Variants in NR6A1 observed in about 807,000 individuals in gnomAD.
NR6A1 encodes nuclear receptor subfamily 6 group A member 1, also known as retinoic acid receptor-related testis-associated receptor.
In NR6A1, 7 loss-of-function variants were observed where a neutral mutation model predicts 59.1. That is an observed-to-expected ratio of 0.12 (90% CI 0.07 to 0.22). The LOEUF (loss-of-function observed/expected upper bound fraction) is 0.22, where lower values mean the gene tolerates loss of function less well. Ranked by LOEUF, NR6A1 falls within the 10% of genes least tolerant of loss-of-function variation. The pLI, the probability that NR6A1 is intolerant of heterozygous loss-of-function variation, is 1.00. For missense variants in NR6A1, 468 were observed against 611.6 expected (o/e 0.77, Z 2.48); for synonymous variants, 243 against 236.1 (o/e 1.03, Z -0.27).
At position 124,651,517 on chromosome 9, in the gene NR6A1, G is replaced by A. The variant is rs373681759; in HGVS notation, c.142+81791C>T. On this transcript the variant is annotated intron_variant, in intron 2 of 9. Transcript: ENST00000487099. Reference sequence around the variant, plus strand: ...ACAATACCAACTTAATAAGAATGCTGTAAGAATTCAAAGTAACAATTTTAC... The same window carrying A: ...ACAATACCAACTTAATAAGAATGCTATAAGAATTCAAAGTAACAATTTTAC... 5.9e-5 allele frequency among the ~76,000 whole-genome samples: 9 copies of A among 152,308 alleles called. No homozygotes were observed. In the East Asian group the frequency reaches 1.4e-3, roughly 23 times the overall value.
At chr9:124,538,452 T>C in intron 5 of NR6A1, 133 bp from the exon 6 acceptor site, 1 of 639,358 alleles carries the variant, frequency 1.6e-6, no homozygotes, top group Non-Finnish European at 2.7e-6. Flanking sequence ...GGGGGCATAA[T>C]TAATAGTTAA....
chr9:124,646,439 T>G (rs1293861712), intron 2 of NR6A1, among the ~76,000 whole-genome samples: 1 of 152,024 alleles, frequency 6.6e-6, no homozygotes, highest in African/African-American at 2.4e-5. Context: ...CAATCGTACC[T>G]CAATAAAGCT....
chr9:124,595,817 G>C, intron 2 of NR6A1: 1 of 1,289,740 alleles, frequency 7.8e-7, no homozygotes, highest in African/African-American at 1.5e-5. Context: ...TGAAGAAACA[G>C]AGATTACAGG....
At chr9:124,640,136 C>T (rs1224768276) in intron 2 of NR6A1, among the ~76,000 whole-genome samples, 1 of 152,158 alleles carries the variant, frequency 6.6e-6, no homozygotes, top group Non-Finnish European at 1.5e-5. Flanking sequence ...ACTTTGAAAA[C>T]AATTATCTTA....
chr9:124,571,649 G>A (rs1834439670), intron 2 of NR6A1, among the ~76,000 whole-genome samples: 1 of 152,146 alleles, frequency 6.6e-6, no homozygotes, highest in South Asian at 2.1e-4. Context: ...GGTGACTAGT[G>A]AGATGGCTTT....
At chr9:124,560,249 C>A (rs1403641950) in intron 2 of NR6A1, among the ~76,000 whole-genome samples, 3 of 152,190 alleles carry the variant, frequency 2.0e-5, no homozygotes, top group Admixed American at 6.5e-5. Flanking sequence ...CTTTCTTATT[C>A]CATTCTTGGG....
At chr9:124,690,368 C>T (rs1838495201) in intron 2 of NR6A1, among the ~76,000 whole-genome samples, 1 of 152,044 alleles carries the variant, frequency 6.6e-6, no homozygotes, top group Admixed American at 6.6e-5. Context: ...ATGTGGGTTT[C>T]AATATTTCAT....
intron 1 of NR6A1, among the ~76,000 whole-genome samples, chr9:124,736,644 G>T (rs927390393): frequency 6.6e-6 from 1 of 152,058 alleles, no homozygotes; most frequent in South Asian, 2.1e-4. Flanking sequence ...AGGAGTCGGA[G>T]ACCAGCCTGG....
At chr9:124,745,337 T>A (rs1323992314) in intron 1 of NR6A1, among the ~76,000 whole-genome samples, 1 of 152,134 alleles carries the variant, frequency 6.6e-6, no homozygotes, top group African/African-American at 2.4e-5. Context: ...ATTCTACTTT[T>A]CTGATTAAAA....
chr9:124,757,218 A>AT lies in NR6A1; in HGVS notation c.100+13801dup, dbSNP rs146789045. On this transcript the variant is annotated intron_variant, in intron 1 of 9. Transcript: ENST00000487099. ...AGATAGACACACACTTCTCAAAATT[A>AT]TCCCCCAAAATAAGCCAAGATAAAA... 5.9e-5 allele frequency among the ~76,000 whole-genome samples: 9 copies of AT among 152,182 alleles called. No homozygotes were observed. In the East Asian group the frequency reaches 1.5e-3, roughly 26 times the overall value.
Position 124,601,475 on chromosome 9 carries a change from T to A in NR6A1, c.143-46905A>T, listed in dbSNP as rs1003870821. ...GGCGGGCGCCTGTAGTCCCAGCTAC[T>A]CGGGGGGCTGAGGCAGGAGAATGGC... On this transcript the variant is annotated intron_variant, in intron 2 of 9. Coordinates refer to ENST00000487099, the MANE Select transcript of NR6A1 (RefSeq NM_033334.4). 1.0e-3 allele frequency among the ~76,000 whole-genome samples: 156 copies of A among 150,496 alleles called. 1 individual carries two copies. The highest frequency in any genetic ancestry group is 3.7e-3 in the African/African-American group (152 of 40,844).
chr9:124,745,230 C>G (rs1267588959), intron 1 of NR6A1, among the ~76,000 whole-genome samples: 2 of 150,504 alleles, frequency 1.3e-5, no homozygotes, highest in Admixed American at 1.3e-4. Flanking sequence ...GGAATGAGCT[C>G]AGGTATATTC....
At chr9:124,595,930 A>C (rs1014388256) in intron 2 of NR6A1, 56 of 678,026 alleles carry the variant, frequency 8.3e-5, no homozygotes, top group Non-Finnish European at 1.2e-4. Flanking sequence ...TGGTCATGTG[A>C]TTGCAAAGTT....
chr9:124,579,879 G>A (rs1028396084), intron 2 of NR6A1, among the ~76,000 whole-genome samples: 7 of 151,960 alleles, frequency 4.6e-5, no homozygotes, highest in Admixed American at 6.6e-5. Context: ...GCATGGTGGC[G>A]CGTGCCTGTA....
chr9:124,558,042 T>C (rs1043595947), intron 2 of NR6A1, among the ~76,000 whole-genome samples: 23 of 152,178 alleles, frequency 1.5e-4, no homozygotes, highest in African/African-American at 4.6e-4. Flanking sequence ...AATGATTAAG[T>C]GGAAGCTCCA....
chr9:124,610,036 T>C (rs754386603), intron 2 of NR6A1, among the ~76,000 whole-genome samples: 2 of 152,168 alleles, frequency 1.3e-5, no homozygotes, highest in African/African-American at 2.4e-5. Context: ...TATAGGATCA[T>C]GTCATCTGCA....
rs537868038 is a variant in NR6A1 at position 124,594,739 on chromosome 9, G to A, written c.143-40169C>T. ...GTACAACATATAAGGGAGGAATGAAGCCAAGGTTACTAAAAAGAAGAATGC... is the reference window on the plus strand; with the variant it reads ...GTACAACATATAAGGGAGGAATGAAACCAAGGTTACTAAAAAGAAGAATGC... On this transcript the variant is annotated intron_variant, in intron 2 of 9. Transcript: ENST00000487099. 5.3e-5 allele frequency among the ~76,000 whole-genome samples: 8 copies of A among 152,292 alleles called. No homozygotes were observed. The South Asian group carries it at 1.2e-3, about 24-fold the overall frequency.
In NR6A1 at chr9:124,564,742, C is replaced by T. The variant is rs116994450; in HGVS notation, c.143-10172G>A. 2.3e-4 allele frequency among the ~76,000 whole-genome samples: 35 copies of T among 151,046 alleles called. No individual in the cohort carries two copies. The East Asian group carries it at 5.1e-3, about 22-fold the overall frequency. ...TGACAAGCTAATTCTGAAATGTATACGGAAATGCAAAAGAACAAAACTAGT... is the reference window on the plus strand; with the variant it reads ...TGACAAGCTAATTCTGAAATGTATATGGAAATGCAAAAGAACAAAACTAGT... On this transcript the variant is annotated intron_variant, in intron 2 of 9. Transcript: ENST00000487099.
intron 1 of NR6A1, among the ~76,000 whole-genome samples, chr9:124,751,890 T>C (rs1237347900): frequency 6.6e-6 from 1 of 152,262 alleles, no homozygotes; most frequent in African/African-American, 2.4e-5. Context: ...TTTTTTTCTT[T>C]TAGTAACTAG....
Sources: gnomAD v4.1 joint callset for allele counts (sites outside exome capture counted in the v4.1 genomes callset) on GRCh38, gnomAD v4.1.1 for gene constraint, MANE v1.5 for transcripts, NCBI Gene and HGNC (gene_info 2026-07-23, HGNC 2026-07-21) for gene names.